DGKG: variants seen among roughly 807,000 people sequenced by gnomAD.
The protein encoded by DGKG is DAG kinase gamma.
Under a neutral mutation model 105.3 loss-of-function variants are expected in DGKG, and 78 were observed. The observed-to-expected ratio is 0.74, with a 90% CI of 0.62 to 0.89. DGKG has a LOEUF of 0.89. DGKG is among the 40% of genes least tolerant of loss of function. The pLI is 0.00. For missense variants in DGKG, 958 were observed against 1,020.1 expected (o/e 0.94, Z 0.83); for synonymous variants, 346 against 367.1 (o/e 0.94, Z 0.66).
chr3:186,253,218 C>T (rs1192484214), intron 17 of DGKG, 36 bp from the exon 18 acceptor site: 1 of 1,525,360 alleles, frequency 6.6e-7, no homozygotes, highest in Admixed American at 1.7e-5. Flanking sequence ...AACCATATGC[C>T]ATGGGACTGT....
At chr3:186,216,109 A>G (rs1389890972) in intron 20 of DGKG, among the ~76,000 whole-genome samples, 2 of 151,642 alleles carry the variant, frequency 1.3e-5, no homozygotes, top group African/African-American at 4.8e-5. Context: ...AGCGATTCTC[A>G]TGCCTCAGCC....
intron 20 of DGKG, among the ~76,000 whole-genome samples, chr3:186,213,014 G>C (rs1719108045): frequency 6.6e-6 from 1 of 152,096 alleles, no homozygotes; most frequent in African/African-American, 2.4e-5. Flanking sequence ...CAGAATAATA[G>C]ACACAACTCT....
intron 21 of DGKG, among the ~76,000 whole-genome samples, chr3:186,194,289 C>G (rs1366228564): frequency 6.6e-6 from 1 of 152,250 alleles, no homozygotes; most frequent in Non-Finnish European, 1.5e-5. Context: ...CTTGATGTCT[C>G]GATCCCTACA....
chr3:186,245,996 G>A (rs1463682686), intron 19 of DGKG, among the ~76,000 whole-genome samples: 1 of 151,722 alleles, frequency 6.6e-6, no homozygotes, highest in African/African-American at 2.4e-5. Flanking sequence ...TTTTGAGATG[G>A]AGTCTCACTC....
chr3:186,277,203 G>T (rs1430892734), intron 9 of DGKG, among the ~76,000 whole-genome samples: 9 of 152,182 alleles, frequency 5.9e-5, no homozygotes, highest in African/African-American at 2.2e-4. Flanking sequence ...AGAATTAAAT[G>T]ACATCATGTA....
In DGKG at chr3:186,282,678, A is replaced by C. The variant is rs556340880; in HGVS notation, c.595-1934T>G. On this transcript the variant is annotated intron_variant, in intron 7 of 24. Transcript: ENST00000265022. The stretch of plus-strand genomic sequence containing the variant: ...CAGGCGCCCGCCACCACACCCGGAT[A>C]ATTTCTTTTGTATTTTTAGTAGAGA... Among the ~76,000 whole-genome samples, 52 of 151,582 alleles carry C rather than the reference A, an allele frequency of 3.4e-4. No homozygotes were observed. The South Asian group carries it at 0.01, about 29-fold the overall frequency.
intron 21 of DGKG, among the ~76,000 whole-genome samples, chr3:186,191,802 T>A (rs1242677866): frequency 6.6e-6 from 1 of 152,208 alleles, no homozygotes; most frequent in Non-Finnish European, 1.5e-5. Context: ...TACAGTTTCC[T>A]GAAAGCATAG....
chr3:186,211,086 G>T (rs1248037795), intron 21 of DGKG, among the ~76,000 whole-genome samples: 2 of 152,198 alleles, frequency 1.3e-5, no homozygotes, highest in Non-Finnish European at 2.9e-5. Context: ...TCTGAGGCAG[G>T]CCCCTACAAG....
intron 5 of DGKG, 109 bp from the exon 6 acceptor site, chr3:186,288,989 T>C: frequency 8.9e-7 from 1 of 1,128,448 alleles, no homozygotes; most frequent in African/African-American, 1.6e-5. Flanking sequence ...TTTGTAGAAG[T>C]GTCTTCAAAA....
At chr3:186,343,183 C>A (rs1199952894) in intron 1 of DGKG, among the ~76,000 whole-genome samples, 1 of 152,182 alleles carries the variant, frequency 6.6e-6, no homozygotes, top group African/African-American at 2.4e-5. Context: ...ATTACCAGAA[C>A]CTCCATGGAG....
chr3:186,191,260 A>G (rs1330725868), intron 21 of DGKG, among the ~76,000 whole-genome samples: 1 of 152,256 alleles, frequency 6.6e-6, no homozygotes, highest in Non-Finnish European at 1.5e-5. Flanking sequence ...TAAGTCACCA[A>G]TATCTGTGTG....
chr3:186,355,017 T>G (rs934879243), intron 1 of DGKG, among the ~76,000 whole-genome samples: 1 of 152,076 alleles, frequency 6.6e-6, no homozygotes, highest in Non-Finnish European at 1.5e-5. Context: ...TAATCCTAAT[T>G]GAATAACATC....
intron 1 of DGKG, among the ~76,000 whole-genome samples, chr3:186,321,017 T>C (rs948678574): frequency 6.6e-6 from 1 of 152,266 alleles, no homozygotes; most frequent in Non-Finnish European, 1.5e-5. Flanking sequence ...CTTAGGCTAT[T>C]GGATGCTTCA....
At chr3:186,303,948 G>A (rs1724098572) in intron 3 of DGKG, among the ~76,000 whole-genome samples, 1 of 152,234 alleles carries the variant, frequency 6.6e-6, no homozygotes, top group East Asian at 1.9e-4. Context: ...CTAACCCTGT[G>A]CCATGACATT....
In DGKG at chr3:186,325,907, C is replaced by T. The variant is rs188621520; in HGVS notation, c.-248-5200G>A. ...ATCTCAGTCATTTTTTCAGCACATC[C>T]TTATTTTCTAGCACTACAAAATGTT... On this transcript the variant is annotated intron_variant, in intron 1 of 24. Coordinates refer to ENST00000265022, the MANE Select transcript of DGKG (RefSeq NM_001346.3). Among the ~76,000 whole-genome samples, 302 of 152,238 alleles carry T rather than the reference C, an allele frequency of 2.0e-3. 1 individual carries two copies. The highest frequency in any genetic ancestry group is 7.0e-3 in the African/African-American group (290 of 41,552).
chr3:186,297,356 C>T (rs985223992), intron 5 of DGKG, 65 bp downstream of exon 5: 47 of 1,267,256 alleles, frequency 3.7e-5, no homozygotes, highest in Admixed American at 6.7e-5. Context: ...TTAGGTTTCC[C>T]CACTTCTCCC....
At chr3:186,175,764 CT>C (rs565505027) in intron 22 of DGKG, among the ~76,000 whole-genome samples, 100 of 152,300 alleles carry the variant, frequency 6.6e-4, no homozygotes, top group Admixed American at 1.0e-3. Context: ...AACTAAAGAG[CT>C]TCTGCACAGC....
At chr3:186,264,210 G>A (rs1200271823) in intron 14 of DGKG, among the ~76,000 whole-genome samples, 1 of 152,126 alleles carries the variant, frequency 6.6e-6, no homozygotes, top group Non-Finnish European at 1.5e-5. Flanking sequence ...GGTGTCTAGA[G>A]CTTTCTCACA....
intron 19 of DGKG, among the ~76,000 whole-genome samples, chr3:186,251,195 G>A (rs1334320368): frequency 2.6e-5 from 4 of 152,182 alleles, no homozygotes; most frequent in African/African-American, 9.7e-5. Context: ...AGGGCTGTGG[G>A]AGCATCAAGG....
Sources: gnomAD v4.1 joint callset for allele counts (sites outside exome capture counted in the v4.1 genomes callset) on GRCh38, gnomAD v4.1.1 for gene constraint, MANE v1.5 for transcripts, NCBI Gene and HGNC (gene_info 2026-07-23, HGNC 2026-07-21) for gene names.